LINGO1: variants seen among roughly 807,000 people sequenced by gnomAD.
LINGO1 encodes the protein leucine-rich repeat and immunoglobulin-like domain-containing nogo receptor-interacting protein 1.
In LINGO1, 11 loss-of-function variants were observed where a neutral mutation model predicts 37.3. That is an observed-to-expected ratio of 0.29 (90% confidence interval 0.19 to 0.49). LINGO1 has a LOEUF of 0.49. Ranked by LOEUF, LINGO1 falls within the 20% of genes least tolerant of loss-of-function variation. The pLI, the probability that LINGO1 is intolerant of heterozygous loss-of-function variation, is 0.99. For missense variants in LINGO1, 585 were observed against 878.2 expected (o/e 0.67, Z 4.22); for synonymous variants, 387 against 403.0 (o/e 0.96, Z 0.48).
intron 2 of LINGO1, among the ~76,000 whole-genome samples, chr15:77,704,712 C>T (rs1364555046): frequency 2.6e-5 from 4 of 152,004 alleles, no homozygotes; most frequent in Non-Finnish European, 5.9e-5. Flanking sequence ...CCTGGTCATA[C>T]CCTGAGCCCC....
intron 3 of LINGO1, among the ~76,000 whole-genome samples, chr15:77,661,905 G>A (rs1322905353): frequency 1.3e-5 from 2 of 152,312 alleles, no homozygotes; most frequent in African/African-American, 2.4e-5. Context: ...TGGTCTGGAG[G>A]AGAGGATGCT....
rs116069440 is a variant in LINGO1, at chr15:77,741,944, A to G, written c.-256-6891T>C. Among the ~76,000 whole-genome samples the G allele has an allele frequency of 1.5e-3, 230 of 152,326 alleles. 1 individual carries two copies. Among genetic ancestry groups the G allele is most frequent in the African/African-American group, 4.9e-3 (205 of 41,584 alleles). ...GAATCCTTGGTTCAGATGGAGAGAA[A>G]GAGATGGGCAAGGGAGAAAGGCAGA... On this transcript the variant is annotated intron_variant, in intron 1 of 3. Transcript: ENST00000561686.
intron 2 of LINGO1, among the ~76,000 whole-genome samples, chr15:77,717,658 T>A (rs2076000949): frequency 6.6e-6 from 1 of 150,806 alleles, no homozygotes; most frequent in Admixed American, 6.6e-5. Flanking sequence ...CTACCTTAGC[T>A]GGCACTAAGA....
At chr15:77,771,891 C>T (rs988304133) in intron 1 of LINGO1, among the ~76,000 whole-genome samples, 2 of 152,242 alleles carry the variant, frequency 1.3e-5, no homozygotes, top group African/African-American at 4.8e-5. Flanking sequence ...CCGAGGTCGC[C>T]TGCCCTCAAT....
chr15:77,693,082 ACACACACG>A (rs2075632966), intron 1 of LINGO1, among the ~76,000 whole-genome samples: 1 of 152,212 alleles, frequency 6.6e-6, no homozygotes, highest in Non-Finnish European at 1.5e-5. Flanking sequence ...GCGTGCACAC[ACACACACG>A]CACACACACA....
chr15:77,779,835 T>C (rs2076697738), intron 1 of LINGO1, among the ~76,000 whole-genome samples: 1 of 152,124 alleles, frequency 6.6e-6, no homozygotes, highest in South Asian at 2.1e-4. Context: ...CCTAAAACAG[T>C]GCCTGGACTA....
At chr15:77,752,820 T>G (rs34393364) in intron 1 of LINGO1, among the ~76,000 whole-genome samples, 21,006 of 152,172 alleles carry the variant, frequency 0.14, 1,847 homozygotes, top group African/African-American at 0.25. Flanking sequence ...CCAGGCTCAC[T>G]GCCACCAGCT....
intron 1 of LINGO1, among the ~76,000 whole-genome samples, chr15:77,741,012 G>A (rs1224577917): frequency 2.6e-5 from 4 of 151,976 alleles, no homozygotes; most frequent in Non-Finnish European, 4.4e-5. Context: ...CCCTGCCCTC[G>A]CCCCCAAAAG....
intron 1 of LINGO1, among the ~76,000 whole-genome samples, chr15:77,631,973 G>A (rs1404015556): frequency 6.6e-6 from 1 of 152,112 alleles, no homozygotes. Context: ...TGAGCAGGGG[G>A]CTTACCCTCT....
intron 1 of LINGO1, among the ~76,000 whole-genome samples, chr15:77,812,563 G>A (rs1279331490): frequency 6.6e-6 from 1 of 152,194 alleles, no homozygotes; most frequent in African/African-American, 2.4e-5. Flanking sequence ...CTGGCGGTGT[G>A]GGTCACAGAC....
At position 77,614,032 on chromosome 15, in the gene LINGO1, C is replaced by A. The variant is rs1381424314; in HGVS notation, c.*12G>T. On this transcript the variant is annotated 3_prime_UTR_variant, in exon 2 of 2. Transcript: ENST00000355300. ...CCCGGCCGCCCGGGGGTCCCTGCCC[C>A]CCGCCCCGGCCTCATATCATCTTCA... 3.3e-5 allele frequency: 51 copies of A among 1,553,326 alleles called. No homozygotes were observed. In the East Asian group the frequency reaches 1.2e-3, roughly 37 times the overall value.
At chr15:77,778,546 A>G (rs2076684182) in intron 1 of LINGO1, among the ~76,000 whole-genome samples, 1 of 152,182 alleles carries the variant, frequency 6.6e-6, no homozygotes, top group Non-Finnish European at 1.5e-5. Flanking sequence ...CTCAGATCAG[A>G]TAGGTTACTC....
At chr15:77,742,033 C>T (rs1024788811) in intron 1 of LINGO1, among the ~76,000 whole-genome samples, 3 of 152,170 alleles carry the variant, frequency 2.0e-5, no homozygotes, top group Admixed American at 6.5e-5. Context: ...CTGAGCATCA[C>T]CCTCTGTGCC....
At chr15:77,801,853 G>A (rs967023545) in intron 1 of LINGO1, among the ~76,000 whole-genome samples, 4 of 152,170 alleles carry the variant, frequency 2.6e-5, no homozygotes, top group South Asian at 2.1e-4. Flanking sequence ...AAGGTACACC[G>A]GCAGCCAGGG....
At position 77,613,765 on chromosome 15, in the gene LINGO1, T is replaced by A; in HGVS notation, c.*279A>T. The A allele has an allele frequency of 2.3e-6, 1 of 432,310 alleles. No homozygotes were observed. Among genetic ancestry groups the A allele is most frequent in the South Asian group, 6.4e-5 (1 of 15,574 alleles). 26.8% of individuals were successfully genotyped at this position (432,310 alleles called of 1,614,324 possible). On this transcript the variant is annotated 3_prime_UTR_variant, in exon 2 of 2. Transcript: ENST00000355300. ...GAAAGTTCGTAACTTTTTTATTGAA[T>A]TATTGACTCTGCCGCGTGTCGGTTC... is the stretch of plus-strand genomic sequence containing the variant.
At chr15:77,802,711 C>A (rs1399191674) in intron 1 of LINGO1, among the ~76,000 whole-genome samples, 1 of 152,096 alleles carries the variant, frequency 6.6e-6, no homozygotes, top group African/African-American at 2.4e-5. Flanking sequence ...TGGTGAATGA[C>A]ACTCTCTACC....
chr15:77,734,457 T>A (rs1397288151), intron 2 of LINGO1, among the ~76,000 whole-genome samples: 2 of 151,774 alleles, frequency 1.3e-5, no homozygotes, highest in African/African-American at 4.8e-5. Context: ...CCGCCCCTCA[T>A]CTAACAGTGA....
intron 1 of LINGO1, among the ~76,000 whole-genome samples, chr15:77,808,774 GGTT>G (rs1341615922): frequency 6.6e-6 from 1 of 152,180 alleles, no homozygotes; most frequent in Non-Finnish European, 1.5e-5. Context: ...CAGCTCATGG[GGTT>G]GTTGTTAGGA....
intron 1 of LINGO1, among the ~76,000 whole-genome samples, chr15:77,622,825 G>A (rs1363139685): frequency 2.0e-5 from 3 of 152,204 alleles, no homozygotes; most frequent in African/African-American, 7.2e-5. Context: ...CTCCTACTCG[G>A]CCTTCAGAAG....
Sources: allele counts gnomAD v4.1 joint callset (sites outside exome capture counted in the v4.1 genomes callset), GRCh38; gene constraint gnomAD v4.1.1; transcripts MANE v1.5; gene names NCBI Gene and HGNC (gene_info 2026-07-23, HGNC 2026-07-21).